Variants in PPEF1 observed in about 807,000 individuals in gnomAD.
PPEF1 encodes the protein serine/threonine-protein phosphatase with EF-hands 1.
Under a neutral mutation model 53.3 loss-of-function variants are expected in PPEF1, and 12 were observed. The ratio of observed to expected loss-of-function variants is 0.23; its 90% CI spans 0.14 to 0.36. The LOEUF is 0.36. PPEF1 is among the 10% of genes least tolerant of loss of function. The pLI is 1.00. For missense variants in PPEF1, 334 were observed against 490.4 expected, an observed-to-expected ratio of 0.68 and a Z score of 3.01; for synonymous variants, 165 against 176.7, an observed-to-expected ratio of 0.93 and a Z score of 0.52.
chrX:18,725,107 A>G (rs1029917965), intron 1 of PPEF1, among the ~76,000 whole-genome samples: 1 of 110,981 alleles, frequency 9.0e-6, no homozygotes, highest in Non-Finnish European at 1.9e-5. Context: ...CGTGCGTTGG[A>G]GCCTGCAGGA....
intron 5 of PPEF1, among the ~76,000 whole-genome samples, chrX:18,758,341 C>T (rs1476119278): frequency 8.9e-6 from 1 of 111,995 alleles, no homozygotes; most frequent in Non-Finnish European, 1.9e-5. Flanking sequence ...TGCTTGCAAC[C>T]GTTTGACAGT....
intron 6 of PPEF1, among the ~76,000 whole-genome samples, chrX:18,777,061 G>T (rs1028794964): frequency 1.8e-5 from 2 of 112,455 alleles, no homozygotes; most frequent in African/African-American, 6.5e-5. Flanking sequence ...CAAAATAGCC[G>T]TGTGTGGTAA....
chrX:18,792,823 G>A (rs986146533), intron 10 of PPEF1, among the ~76,000 whole-genome samples: 2 of 111,610 alleles, frequency 1.8e-5, no homozygotes, highest in East Asian at 2.8e-4. Context: ...CCGAGCATAC[G>A]GGCTGAAAGG....
At chrX:18,744,335 C>T (rs973432932) in intron 3 of PPEF1, among the ~76,000 whole-genome samples, 7 of 111,928 alleles carry the variant, frequency 6.3e-5, no homozygotes, top group Non-Finnish European at 1.3e-4. Context: ...TGGAAGCAGT[C>T]ATACTTGTCC....
chrX:18,728,647 C>T (rs758285600), intron 1 of PPEF1, among the ~76,000 whole-genome samples: 4 of 111,195 alleles, frequency 3.6e-5, no homozygotes, highest in Admixed American at 9.6e-5. Flanking sequence ...GCTCATGATA[C>T]GTGATGTTGG....
At chrX:18,703,188 G>C (rs2044123122), upstream of PPEF1, among the ~76,000 whole-genome samples, 1 of 111,079 alleles carries the variant, frequency 9.0e-6, no homozygotes, top group African/African-American at 3.3e-5. Context: ...CATGGGAGGG[G>C]TAAGTGGCAT....
At chrX:18,712,137 A>G (rs2044345815) in intron 1 of PPEF1, among the ~76,000 whole-genome samples, 1 of 111,873 alleles carries the variant, frequency 8.9e-6, no homozygotes, top group African/African-American at 3.2e-5. Context: ...TATTTTGGCT[A>G]TTCTGGGTCC....
At chrX:18,788,125 G>A (rs912624526) in intron 9 of PPEF1, among the ~76,000 whole-genome samples, 79 of 110,494 alleles carry the variant, frequency 7.1e-4, no homozygotes, top group Non-Finnish European at 1.4e-3. Flanking sequence ...GACCATCCTG[G>A]CTAACACGGT....
upstream of PPEF1, among the ~76,000 whole-genome samples, chrX:18,680,263 C>T (rs928514028): frequency 3.6e-5 from 4 of 109,618 alleles, no homozygotes; most frequent in African/African-American, 1.3e-4. Context: ...CCTTAGATCA[C>T]GCTGTTGCTT....
chrX:18,747,524 T>C (rs2045355376), intron 3 of PPEF1, among the ~76,000 whole-genome samples: 1 of 112,542 alleles, frequency 8.9e-6, no homozygotes, highest in African/African-American at 3.2e-5. Context: ...TTGCCTAGGC[T>C]GGAGTGCAGT....
chrX:18,697,113 C>T (rs1329913599), intron 4 of PPEF1, among the ~76,000 whole-genome samples: 1 of 112,259 alleles, frequency 8.9e-6, no homozygotes, highest in African/African-American at 3.2e-5. Context: ...CTCCATTCCC[C>T]TCTGTCTTTC....
At chrX:18,788,173 C>T (rs1288078659) in intron 9 of PPEF1, among the ~76,000 whole-genome samples, 1 of 108,710 alleles carries the variant, frequency 9.2e-6, no homozygotes, top group Non-Finnish European at 1.9e-5. Flanking sequence ...AAAAATTAGC[C>T]GGGCGTGGTG....
rs939926181 is a variant in PPEF1, at chrX:18,728,618, T to C, written c.47-1563T>C. ...AACATGTCACTCTATTTCTTCTTCC[T>C]GTGGTTTTTCCCTATAAAGCTCATG... On this transcript the variant is annotated intron_variant, in intron 1 of 15. Transcript: ENST00000470157. 4.5e-5 allele frequency among the ~76,000 whole-genome samples: 5 copies of C among 111,695 alleles called. No homozygotes were observed. In the Admixed American group the frequency reaches 4.8e-4, roughly 11 times the overall value.
At chrX:18,677,069 C>T (rs1286449542) in intron 1 of PPEF1, among the ~76,000 whole-genome samples, 4 of 101,541 alleles carry the variant, frequency 3.9e-5, no homozygotes, top group Admixed American at 1.1e-4. Flanking sequence ...GACGGAGTCT[C>T]GCTCTGTTGC....
At position 18,749,772 on chromosome X, in the gene PPEF1, T is replaced by G; in HGVS notation, c.236-20T>G. On this transcript the variant is annotated intron_variant, in intron 3 of 15. Transcript: ENST00000470157. ...TCCCACCCCCACCCCCACCCCCCCGTTCTGTCCTTCCTTTTCCAGAATTAA... is the reference window on the plus strand; with the variant it reads ...TCCCACCCCCACCCCCACCCCCCCGGTCTGTCCTTCCTTTTCCAGAATTAA... 1 of 220,190 alleles carries G rather than the reference T, an allele frequency of 4.5e-6. No homozygotes were observed. 18.1% of individuals were successfully genotyped at this position (220,190 alleles called of 1,213,427 possible). A position where few individuals can be genotyped will look rare whatever the true frequency, so the allele number is the denominator to read the frequency against.
At chrX:18,821,784 AG>A (rs55808132) in intron 13 of PPEF1, among the ~76,000 whole-genome samples, 1,330 of 104,396 alleles carry the variant, frequency 0.013, 30 homozygotes, top group African/African-American at 0.036. Context: ...AGAGAGAGAG[AG>A]AGAGAGAGAG....
chrX:18,728,300 T>C (rs1029474019), intron 1 of PPEF1, among the ~76,000 whole-genome samples: 47 of 111,114 alleles, frequency 4.2e-4, no homozygotes, highest in South Asian at 3.9e-4. Context: ...AATGGACTTA[T>C]GGTTCCACAT....
intron 6 of PPEF1, among the ~76,000 whole-genome samples, chrX:18,772,773 C>G (rs1246581107): frequency 8.9e-6 from 1 of 112,397 alleles, no homozygotes; most frequent in Admixed American, 9.4e-5. Flanking sequence ...AACTATTGGC[C>G]AGGGCTGCAG....
intron 3 of PPEF1, among the ~76,000 whole-genome samples, chrX:18,687,416 G>T (rs1405931028): frequency 9.0e-6 from 1 of 111,325 alleles, no homozygotes; most frequent in Admixed American, 9.6e-5. Context: ...GAAGCAATAG[G>T]CACAGAGAGG....
Sources: allele counts gnomAD v4.1 joint callset (sites outside exome capture counted in the v4.1 genomes callset), GRCh38; gene constraint gnomAD v4.1.1; transcripts MANE v1.5; gene names NCBI Gene and HGNC (gene_info 2026-07-23, HGNC 2026-07-21).